Variants in CCT2 observed in about 807,000 individuals in gnomAD.
CCT2 encodes T-complex protein 1 subunit beta.
A neutral mutation model predicts 61.8 loss-of-function variants in CCT2; 18 were observed. That is an observed-to-expected ratio of 0.29 (90% confidence interval 0.20 to 0.43). The LOEUF (loss-of-function observed/expected upper bound fraction) is 0.43, where lower values mean the gene tolerates loss of function less well. CCT2 is among the 20% of genes least tolerant of loss of function. The pLI is 1.00. For missense variants in CCT2, 556 were observed against 656.9 expected (o/e 0.85, Z 1.68); for synonymous variants, 248 against 215.9 (o/e 1.15, Z -1.30).
In CCT2 at chr12:69,592,165, T is replaced by C; in HGVS notation, c.750+6T>C. ...TGGATACAGACAAAATAAAGGTATG[T>C]AACTCTACTTTTTAAAAATTAAAAT... On this transcript the variant is annotated splice_donor_region_variant and intron_variant, in intron 8 of 15. Transcript: ENST00000299300. The C allele has an allele frequency of 1.4e-6, 2 of 1,460,328 alleles. No homozygotes were observed. Among genetic ancestry groups the C allele is most frequent in the Non-Finnish European group, 1.9e-6 (2 of 1,045,840 alleles). 90.5% of individuals were successfully genotyped at this position (1,460,328 alleles called of 1,614,324 possible).
chr12:69,593,075 A>C lies in CCT2; in HGVS notation c.850A>C (p.Lys284Gln). 1 of 1,613,614 alleles carries C rather than the reference A, an allele frequency of 6.2e-7. No homozygotes were observed. Among genetic ancestry groups the C allele is most frequent in the South Asian group, 1.1e-5 (1 of 91,064 alleles). Residue 284 changes from lysine to glutamine, a missense_variant, in exon 9 of 16, where the codon AAG (lysine) becomes CAG (glutamine). This residue lies in a region of CCT2 where 308 missense variants were observed against 350.6 expected (regional missense o/e 0.88). Coordinates refer to ENST00000299300, the MANE Select transcript of CCT2 (RefSeq NM_006431.3). ...GAAGGAGAAAGTTGAACGTATTCTT[A>C]AGCATGGAATAAATTGCTTTATTAA... ...KMKEKVERIL[K>Q]HGINCFINRQ...
At chr12:69,593,420 T>G in intron 9 of CCT2, 90 bp from the exon 10 acceptor site, 1 of 831,892 alleles carries the variant, frequency 1.2e-6, no homozygotes, top group Non-Finnish European at 1.9e-6. Flanking sequence ...TTCTTTTACT[T>G]GTGGTAAAAA....
chr12:69,599,833 G>A, intron 14 of CCT2, 30 bp from the exon 15 acceptor site: 1 of 1,582,004 alleles, frequency 6.3e-7, no homozygotes, highest in South Asian at 1.2e-5. Context: ...AGTTAAAACT[G>A]CTTTTTAGTA....
chr12:69,586,050 C>A, intron 1 of CCT2: 3 of 1,392,676 alleles, frequency 2.2e-6, no homozygotes, highest in Non-Finnish European at 1.9e-6. Context: ...ATTTATACTC[C>A]CGGGGGCCTT....
chr12:69,589,766 A>AGT, intron 7 of CCT2, 79 bp downstream of exon 7: 9 of 1,147,824 alleles, frequency 7.8e-6, no homozygotes, highest in Middle Eastern at 2.2e-4. Context: ...TTTTGAGACC[A>AGT]GTGACCCTTT....
chr12:69,589,488 C>A lies in CCT2; in HGVS notation c.450C>A (p.Ser150=). 2 of 1,613,162 alleles carry A rather than the reference C, an allele frequency of 1.2e-6. No individual in the cohort carries two copies. The highest frequency in any genetic ancestry group is 1.7e-6 in the Non-Finnish European group (2 of 1,179,284). Residue 150 remains serine (S), a synonymous_variant, in exon 7 of 16, where the codon TCC becomes TCA. Transcript: ENST00000299300. ...ATATTTGGTTGGTTTTATTTAGTTC[C>A]GATGAAGTTAAATTCCGTCAAGATT... ...ALLSSAVDHG[S]DEVKFRQDLM... is the part of the protein sequence containing the mutation.
intron 5 of CCT2, 64 bp downstream of exon 5, chr12:69,588,070 CT>C: frequency 6.5e-7 from 1 of 1,529,138 alleles, no homozygotes; most frequent in East Asian, 2.2e-5. Context: ...TAATCTAGTC[CT>C]TACTTCCTCT....
Position 69,597,407 on chromosome 12 carries a change from G to A in CCT2, c.1102+132G>A. Reference sequence around the variant, plus strand: ...TCTTCAGAAGCATGATACATACTTTGTTTCAGTCTCTTGAGTCAACCTCAT... The same window carrying A: ...TCTTCAGAAGCATGATACATACTTTATTTCAGTCTCTTGAGTCAACCTCAT... On this transcript the variant is annotated intron_variant, in intron 11 of 15. Transcript: ENST00000299300. 3.3e-6 allele frequency: 4 copies of A among 1,208,702 alleles called. No individual in the cohort carries two copies. In the East Asian group the frequency reaches 9.4e-5, roughly 28 times the overall value. 74.9% of individuals were successfully genotyped at this position (1,208,702 alleles called of 1,614,324 possible).
chr12:69,592,700 G>A (rs1199342710), intron 8 of CCT2: 10 of 277,216 alleles, frequency 3.6e-5, no homozygotes, highest in Middle Eastern at 1.1e-3. Flanking sequence ...CCAGGCGGGC[G>A]GATCACAAGG....
chr12:69,595,025 A>C (rs1161027970), intron 10 of CCT2, among the ~76,000 whole-genome samples: 1 of 151,622 alleles, frequency 6.6e-6, no homozygotes, highest in Admixed American at 6.6e-5. Context: ...AGGTCCTTGA[A>C]AATGAATGAA....
intron 1 of CCT2, chr12:69,585,860 G>C (rs1428439660): frequency 6.1e-6 from 8 of 1,307,536 alleles, no homozygotes; most frequent in African/African-American, 4.5e-5. Flanking sequence ...GGAGCGACGG[G>C]GTCTGAGCCA....
At chr12:69,594,085 G>C (rs1006641708) in intron 10 of CCT2, among the ~76,000 whole-genome samples, 11 of 152,038 alleles carry the variant, frequency 7.2e-5, no homozygotes, top group African/African-American at 2.7e-4. Flanking sequence ...GTTGCAGTCA[G>C]CGGAGATCGT....
intron 9 of CCT2, 93 bp from the exon 10 acceptor site, chr12:69,593,417 A>T: frequency 2.5e-6 from 2 of 813,096 alleles, no homozygotes. Context: ...CATTTCTTTT[A>T]CTTGTGGTAA....
At chr12:69,590,335 T>C (rs920401196) in intron 7 of CCT2, among the ~76,000 whole-genome samples, 3 of 151,926 alleles carry the variant, frequency 2.0e-5, no homozygotes, top group African/African-American at 4.8e-5. Context: ...GGATGACTAG[T>C]TTTTTTTAGA....
chr12:69,586,728 A>T, intron 2 of CCT2, 25 bp from the exon 3 acceptor site: 2 of 1,527,644 alleles, frequency 1.3e-6, no homozygotes, highest in Non-Finnish European at 1.8e-6. Flanking sequence ...GTTGATTCTG[A>T]TAATCTCCTT....
intron 6 of CCT2, among the ~76,000 whole-genome samples, chr12:69,588,798 G>A (rs1881746254): frequency 6.6e-6 from 1 of 152,230 alleles, no homozygotes; most frequent in Non-Finnish European, 1.5e-5. Context: ...TGAGCAGCAG[G>A]TGGAAAAATT....
intron 10 of CCT2, among the ~76,000 whole-genome samples, chr12:69,595,925 C>G (rs546766291): frequency 6.6e-6 from 1 of 152,212 alleles, no homozygotes; most frequent in East Asian, 1.9e-4. Context: ...AAATGTCTTG[C>G]ACTGGGCATG....
At position 69,588,134 on chromosome 12, in the gene CCT2, A is replaced by G. The variant is rs747980099; in HGVS notation, c.334-16A>G. The G allele has an allele frequency of 1.1e-5, 18 of 1,600,582 alleles. No homozygotes were observed. Among genetic ancestry groups the G allele is most frequent in the Non-Finnish European group, 1.5e-5 (17 of 1,169,150 alleles). On this transcript the variant is annotated splice_polypyrimidine_tract_variant and intron_variant, in intron 5 of 15. Coordinates refer to ENST00000299300, the MANE Select transcript of CCT2 (RefSeq NM_006431.3). Reference sequence around the variant, plus strand: ...ATTTTCTATTTATAACTTTTGTTTTATAACTTTATTAATAGGAAGCAGAAT... The same window carrying G: ...ATTTTCTATTTATAACTTTTGTTTTGTAACTTTATTAATAGGAAGCAGAAT...
chr12:69,587,888 C>A, intron 4 of CCT2, 42 bp from the exon 5 acceptor site: 1 of 1,454,124 alleles, frequency 6.9e-7, no homozygotes, highest in Non-Finnish European at 9.7e-7. Flanking sequence ...ATTTAGTAAG[C>A]AAAGAAGCAA....
Sources: allele counts gnomAD v4.1 joint callset (sites outside exome capture counted in the v4.1 genomes callset), GRCh38; gene constraint gnomAD v4.1.1; regional missense constraint gnomAD v4.1.1; transcripts MANE v1.5; gene names NCBI Gene and HGNC (gene_info 2026-07-23, HGNC 2026-07-21).